BAIAP2L2: variants seen among roughly 807,000 people sequenced by gnomAD.
BAIAP2L2 encodes BAR/IMD domain-containing adapter protein 2-like 2.
Under a neutral mutation model 60.4 loss-of-function variants are expected in BAIAP2L2, and 65 were observed. That is an observed-to-expected ratio of 1.08 (90% CI 0.88 to 1.32). The LOEUF (loss-of-function observed/expected upper bound fraction) is 1.32, where lower values mean the gene tolerates loss of function less well. Among genes scored for constraint, BAIAP2L2 ranks in the 40% most tolerant of loss-of-function variants. BAIAP2L2 has a pLI of 0.00. For missense variants in BAIAP2L2, 836 were observed against 741.2 expected (o/e 1.13, Z -1.48); for synonymous variants, 344 against 301.7 (o/e 1.14, Z -1.45).
intron 3 of BAIAP2L2, 66 bp downstream of exon 3, chr22:38,108,189 C>G: frequency 6.8e-7 from 1 of 1,467,318 alleles, no homozygotes; most frequent in Non-Finnish European, 9.4e-7. Flanking sequence ...CTCGGGACAT[C>G]CTGGAAGGGC....
chr22:38,091,524 C>T (rs1484213955), intron 7 of BAIAP2L2: 1 of 152,030 alleles, frequency 6.6e-6, no homozygotes, highest in Non-Finnish European at 1.5e-5. Context: ...CTACTATGTA[C>T]CACAAAAATT....
At chr22:38,101,120 CTT>C (rs768817340) in intron 4 of BAIAP2L2, among the ~76,000 whole-genome samples, 7 of 151,976 alleles carry the variant, frequency 4.6e-5, no homozygotes, top group African/African-American at 1.7e-4. Flanking sequence ...TGTATGTAAA[CTT>C]TACCTCAGTA....
intron 2 of BAIAP2L2, 47 bp downstream of exon 2, chr22:38,109,086 C>T (rs780034235): frequency 2.0e-6 from 3 of 1,513,720 alleles, no homozygotes; most frequent in South Asian, 2.2e-5. Context: ...TGGGTGGGAA[C>T]AGCAGAGGCC....
chr22:38,089,400 G>A (rs1569219052), intron 8 of BAIAP2L2, 122 bp downstream of exon 8: 1 of 620,528 alleles, frequency 1.6e-6, no homozygotes, highest in Non-Finnish European at 2.3e-6. Flanking sequence ...GGGCAGGCCG[G>A]GGGATGCAGC....
intron 7 of BAIAP2L2, among the ~76,000 whole-genome samples, chr22:38,092,545 G>A (rs1465115099): frequency 6.6e-6 from 1 of 152,004 alleles, no homozygotes; most frequent in African/African-American, 2.4e-5. Context: ...CCAAAGTGCT[G>A]GGATTACAGA....
At chr22:38,095,145 C>T (rs1356655861) in intron 7 of BAIAP2L2, among the ~76,000 whole-genome samples, 1 of 151,952 alleles carries the variant, frequency 6.6e-6, no homozygotes, top group Non-Finnish European at 1.5e-5. Flanking sequence ...AGCAAGACTC[C>T]GTCTCAAAAT....
At chr22:38,108,024 G>T in intron 3 of BAIAP2L2, 111 bp from the exon 4 acceptor site, 3 of 1,247,536 alleles carry the variant, frequency 2.4e-6, no homozygotes, top group Non-Finnish European at 3.4e-6. Context: ...TGGATTTTGG[G>T]ACCAAAGTCC....
intron 12 of BAIAP2L2, 139 bp from the exon 13 acceptor site, chr22:38,085,871 G>A: frequency 2.3e-6 from 2 of 868,314 alleles, no homozygotes; most frequent in Non-Finnish European, 3.5e-6. Flanking sequence ...TGGAAAATGA[G>A]ACCCTGACGT....
At position 38,108,311 on chromosome 22, in the gene BAIAP2L2, C is replaced by T. The variant is rs777595013; in HGVS notation, c.158G>A (p.Ser53Asn). 2.9e-5 allele frequency: 46 copies of T among 1,612,652 alleles called. No homozygotes were observed. Among genetic ancestry groups the T allele is most frequent in the Non-Finnish European group, 3.6e-5 (43 of 1,179,934 alleles). ...ALSEAAEVYF[S>N]AIQKIGERAL... is the part of the protein sequence containing the mutation. ...ACGCTCCCCAATCTTCTGGATGGCA[C>T]TGAAGTAGACCTCGGCCGCCTCGGA... The change falls in exon 3 of 14, where the codon AGT (serine) becomes AAT (asparagine). Residue 53 changes from serine (S) to asparagine (N), a missense_variant. Coordinates refer to ENST00000381669, the MANE Select transcript of BAIAP2L2 (RefSeq NM_025045.6).
Position 38,108,340 on chromosome 22 carries a change from A to C in BAIAP2L2, c.129T>G (p.Ala43=). 1.2e-6 allele frequency: 2 copies of C among 1,611,982 alleles called. No individual in the cohort carries two copies. Among genetic ancestry groups the C allele is most frequent in the Middle Eastern group, 1.7e-4 (1 of 6,056 alleles). The change falls in exon 3 of 14, where the codon GCT becomes GCG. Residue 43 remains alanine, a splice_region_variant and synonymous_variant. Coordinates refer to ENST00000381669, the MANE Select transcript of BAIAP2L2 (RefSeq NM_025045.6). ...AGTAGACCTCGGCCGCCTCGGACAG[A>C]GCTGTGGACCAGAAGGGACAGGTCT... ...LGNNYLRAFH[A]LSEAAEVYFS... is the part of the protein sequence containing the mutation.
intron 1 of BAIAP2L2, among the ~76,000 whole-genome samples, chr22:38,110,203 C>G (rs1268374006): frequency 6.9e-6 from 1 of 144,990 alleles, no homozygotes; most frequent in Non-Finnish European, 1.5e-5. Flanking sequence ...GCCGGGCAGC[C>G]AGGCCCTTCT....
chr22:38,107,408 G>A (rs2086686210), intron 4 of BAIAP2L2, among the ~76,000 whole-genome samples: 1 of 152,140 alleles, frequency 6.6e-6, no homozygotes, highest in South Asian at 2.1e-4. Flanking sequence ...AGAAGCTGCT[G>A]GATCGACAGA....
intron 10 of BAIAP2L2, among the ~76,000 whole-genome samples, chr22:38,088,052 A>G (rs1269317832): frequency 2.0e-5 from 3 of 152,162 alleles, no homozygotes; most frequent in East Asian, 1.9e-4. Flanking sequence ...CGCTCTGCCC[A>G]TGCACGCATT....
chr22:38,090,757 C>A (rs1267564390), intron 7 of BAIAP2L2: 2 of 152,178 alleles, frequency 1.3e-5, no homozygotes, highest in Non-Finnish European at 2.9e-5. Context: ...ATTCAGTAAG[C>A]GTTGAAGGGG....
At chr22:38,089,045 ACCCCCGCGCCT>A in intron 9 of BAIAP2L2, 40 bp downstream of exon 9, 1 of 1,394,222 alleles carries the variant, frequency 7.2e-7, no homozygotes, top group Non-Finnish European at 9.3e-7. Flanking sequence ...CTGCAGCCCC[ACCCCCGCGCCT>A]CTCCCGGCCC....
chr22:38,086,995 C>CA (rs566442023), intron 11 of BAIAP2L2, 129 bp downstream of exon 11: 263,648 of 852,288 alleles, frequency 0.31, 4,799 homozygotes, highest in African/African-American at 0.34. Flanking sequence ...GACTCTGTCT[C>CA]AAAAAAAAAA....
intron 4 of BAIAP2L2, among the ~76,000 whole-genome samples, chr22:38,099,958 T>C (rs1420683955): frequency 6.6e-6 from 1 of 152,198 alleles, no homozygotes; most frequent in Admixed American, 6.5e-5. Context: ...GTTTAAGGTT[T>C]TCTCCCACAG....
At chr22:38,102,268 G>C (rs550874799) in intron 4 of BAIAP2L2, among the ~76,000 whole-genome samples, 2 of 152,172 alleles carry the variant, frequency 1.3e-5, no homozygotes, top group African/African-American at 4.8e-5. Flanking sequence ...ATGTGGAGGA[G>C]AGAATGCCGT....
At chr22:38,100,214 C>T (rs982201496) in intron 4 of BAIAP2L2, among the ~76,000 whole-genome samples, 1 of 152,114 alleles carries the variant, frequency 6.6e-6, no homozygotes, top group African/African-American at 2.4e-5. Flanking sequence ...GAAGCCTTCC[C>T]GACCCTGCGC....
Sources: allele counts gnomAD v4.1 joint callset (sites outside exome capture counted in the v4.1 genomes callset), GRCh38; gene constraint gnomAD v4.1.1; transcripts MANE v1.5; gene names NCBI Gene and HGNC (gene_info 2026-07-23, HGNC 2026-07-21).